Variants in DZIP1 observed in about 807,000 individuals in gnomAD.
DZIP1 encodes cilium assembly protein DZIP1.
Under a neutral mutation model 107.6 loss-of-function variants are expected in DZIP1, and 97 were observed. The ratio of observed to expected loss-of-function variants is 0.90; its 90% CI spans 0.77 to 1.07. The LOEUF (loss-of-function observed/expected upper bound fraction) is 1.07, where lower values mean the gene tolerates loss of function less well. Among genes scored for constraint, DZIP1 ranks in the 50% least tolerant of loss-of-function variants. DZIP1 has a pLI of 0.00. For missense variants in DZIP1, 1,035 were observed against 1,063.6 expected, an observed-to-expected ratio of 0.97 and a Z score of 0.37; for synonymous variants, 390 against 386.4, an observed-to-expected ratio of 1.01 and a Z score of -0.11.
At chr13:95,617,532 T>C (rs952138774) in intron 10 of DZIP1, among the ~76,000 whole-genome samples, 3 of 151,992 alleles carry the variant, frequency 2.0e-5, no homozygotes, top group African/African-American at 4.8e-5. Flanking sequence ...CTACACAGAA[T>C]AGAAAACTCA....
Position 95,598,659 on chromosome 13 carries a change from A to G in DZIP1, c.1537+706T>C, listed in dbSNP as rs557107491. On this transcript the variant is annotated intron_variant, in intron 15 of 22. Coordinates refer to ENST00000376829, the MANE Select transcript of DZIP1 (RefSeq NM_198968.4). ...AAGAAGTGATATATGGTGAATTATTATTATTATTAATAGGAAAAAATTATG... is the reference window on the plus strand; with the variant it reads ...AAGAAGTGATATATGGTGAATTATTGTTATTATTAATAGGAAAAAATTATG... Among the ~76,000 whole-genome samples, 12 of 152,224 alleles carry G rather than the reference A, an allele frequency of 7.9e-5. No homozygotes were observed. In the South Asian group the frequency reaches 2.3e-3, roughly 29 times the overall value.
At chr13:95,609,573 T>C in intron 12 of DZIP1, 60 bp from the exon 13 acceptor site, 1 of 1,320,174 alleles carries the variant, frequency 7.6e-7, no homozygotes, top group Admixed American at 2.6e-5. Flanking sequence ...TAAATTTTTG[T>C]AGCCCTTATA....
intron 8 of DZIP1, among the ~76,000 whole-genome samples, chr13:95,622,987 A>C (rs956035967): frequency 6.6e-6 from 1 of 152,032 alleles, no homozygotes; most frequent in African/African-American, 2.4e-5. Context: ...TCACACAACA[A>C]TCTGCCTACC....
intron 9 of DZIP1, among the ~76,000 whole-genome samples, chr13:95,621,148 T>C (rs1025269366): frequency 6.6e-6 from 1 of 152,122 alleles, no homozygotes; most frequent in African/African-American, 2.4e-5. Flanking sequence ...CCCCCCTGGC[T>C]GAATACTAAA....
chr13:95,610,410 G>C (rs1053118334), intron 12 of DZIP1, among the ~76,000 whole-genome samples: 1 of 151,620 alleles, frequency 6.6e-6, no homozygotes, highest in Non-Finnish European at 1.5e-5. Context: ...TTCTGGGCTC[G>C]AGTGATTCTT....
At position 95,590,387 on chromosome 13, in the gene DZIP1, A is replaced by G. The variant is rs747809308; in HGVS notation, c.1735T>C (p.Ser579Pro). The change falls in exon 17 of 23, where the codon TCA becomes CCA. Residue 579 changes from serine (S) to proline (P), a missense_variant. Coordinates refer to ENST00000376829, the MANE Select transcript of DZIP1 (RefSeq NM_198968.4). ...QLHRVLKSVE[S>P]ERHKQEREIP... is the part of the protein sequence containing the mutation. ...TCTCTTTCTTGCTTATGTCTTTCTG[A>G]TTCCACACTTTTTAGTACTCTATGC... is the stretch of plus-strand genomic sequence containing the variant. The G allele has an allele frequency of 6.2e-7, 1 of 1,613,746 alleles. No homozygotes were observed. The highest frequency in any genetic ancestry group is 1.1e-5 in the South Asian group (1 of 90,934).
intron 5 of DZIP1, among the ~76,000 whole-genome samples, chr13:95,640,700 T>G (rs1319918816): frequency 6.6e-6 from 1 of 152,224 alleles, no homozygotes; most frequent in Non-Finnish European, 1.5e-5. Context: ...TACTGTTATG[T>G]AAGTGAATGT....
chr13:95,584,709 C>A, intron 22 of DZIP1, 27 bp downstream of exon 22: 1 of 1,587,362 alleles, frequency 6.3e-7, no homozygotes, highest in Non-Finnish European at 8.6e-7. Context: ...ATGGATCGAG[C>A]TTGTATTAGA....
intron 5 of DZIP1, among the ~76,000 whole-genome samples, chr13:95,634,261 C>T (rs778060651): frequency 9.2e-5 from 14 of 152,360 alleles, no homozygotes; most frequent in Middle Eastern, 3.4e-3. Context: ...GCATCTTCCA[C>T]GCTGAGGATG....
intron 7 of DZIP1, among the ~76,000 whole-genome samples, chr13:95,629,714 T>G (rs1452061911): frequency 6.6e-6 from 1 of 152,226 alleles, no homozygotes. Flanking sequence ...GAATGAGAAG[T>G]GTCAGACTTC....
intron 15 of DZIP1, among the ~76,000 whole-genome samples, chr13:95,596,733 G>T (rs2044467394): frequency 6.6e-6 from 1 of 152,202 alleles, no homozygotes; most frequent in South Asian, 2.1e-4. Context: ...AAAACTGCAA[G>T]ATCAACTATG....
At chr13:95,583,337 G>A (rs548356311) in intron 22 of DZIP1, among the ~76,000 whole-genome samples, 4 of 151,998 alleles carry the variant, frequency 2.6e-5, no homozygotes, top group Non-Finnish European at 5.9e-5. Context: ...GGTGCGGTGG[G>A]TGGTGAAAAT....
At chr13:95,625,728 C>T (rs1408607) in intron 7 of DZIP1, among the ~76,000 whole-genome samples, 10,233 of 152,168 alleles carry the variant, frequency 0.067, 451 homozygotes, top group East Asian at 0.18. Context: ...TTGGAAGATA[C>T]TGTGAGGTTA....
rs905680310 is a variant in DZIP1, at chr13:95,582,051, G to A, written c.*183C>T. On this transcript the variant is annotated 3_prime_UTR_variant, in exon 23 of 23. Coordinates refer to ENST00000376829, the MANE Select transcript of DZIP1 (RefSeq NM_198968.4). ...CCTTTACATGCTTCGAAATACTGTTGATGATCTGATTTTCAATACTGTATT... is the reference window on the plus strand; with the variant it reads ...CCTTTACATGCTTCGAAATACTGTTAATGATCTGATTTTCAATACTGTATT... 3.9e-5 allele frequency: 22 copies of A among 565,982 alleles called. No homozygotes were observed. Among genetic ancestry groups the A allele is most frequent in the Non-Finnish European group, 6.6e-5 (21 of 319,194 alleles). 35.1% of individuals were successfully genotyped at this position (565,982 alleles called of 1,614,324 possible).
At chr13:95,609,306 G>T in intron 13 of DZIP1, 151 bp downstream of exon 13, 2 of 474,454 alleles carry the variant, frequency 4.2e-6, no homozygotes, top group South Asian at 6.9e-5. Flanking sequence ...TTAGAACTAG[G>T]TCAAAACTAA....
intron 7 of DZIP1, 41 bp from the exon 8 acceptor site, chr13:95,624,970 G>A: frequency 1.3e-6 from 2 of 1,511,136 alleles, no homozygotes; most frequent in Non-Finnish European, 1.8e-6. Flanking sequence ...GTTCTGGTCT[G>A]AAGAAAATAA....
rs1196136780 is a variant in DZIP1, at chr13:95,579,688, T to C, written c.*2546A>G. 1 of 152,048 alleles carries C rather than the reference T, an allele frequency of 6.6e-6. No homozygotes were observed. The highest frequency in any genetic ancestry group is 1.5e-5 in the Non-Finnish European group (1 of 68,000). 9.4% of individuals were successfully genotyped at this position (152,048 alleles called of 1,614,324 possible). ...AAAAAAGAATCACATTGTTCAGAGG[T>C]GCTCAATGGAAAGAAAAGGAAATGA... On this transcript the variant is annotated 3_prime_UTR_variant, in exon 23 of 23. Coordinates refer to ENST00000376829, the MANE Select transcript of DZIP1 (RefSeq NM_198968.4).
intron 14 of DZIP1, among the ~76,000 whole-genome samples, chr13:95,602,698 C>T (rs755514998): frequency 6.6e-6 from 1 of 152,250 alleles, no homozygotes; most frequent in South Asian, 2.1e-4. Flanking sequence ...CCTGTTGGCA[C>T]ATCCAAACAT....
chr13:95,604,370 G>A (rs925618099), intron 14 of DZIP1, among the ~76,000 whole-genome samples: 1 of 152,246 alleles, frequency 6.6e-6, no homozygotes, highest in Non-Finnish European at 1.5e-5. Flanking sequence ...CTGACGGGGT[G>A]GGGGACGTTG....
Sources: allele counts gnomAD v4.1 joint callset (sites outside exome capture counted in the v4.1 genomes callset), GRCh38; gene constraint gnomAD v4.1.1; transcripts MANE v1.5; gene names NCBI Gene and HGNC (gene_info 2026-07-23, HGNC 2026-07-21).